PDE1C: variants seen among roughly 807,000 people sequenced by gnomAD.
The protein encoded by PDE1C is phosphodiesterase 1C, also known as dual specificity calcium/calmodulin-dependent 3',5'-cyclic nucleotide phosphodiesterase 1C.
A neutral mutation model predicts 93.1 loss-of-function variants in PDE1C; 62 were observed. The observed-to-expected ratio is 0.67, with a 90% CI of 0.54 to 0.82. The LOEUF (loss-of-function observed/expected upper bound fraction) is 0.82. Ranked by LOEUF, PDE1C falls within the 40% of genes least tolerant of loss-of-function variation. The pLI is 0.00. For missense variants in PDE1C, 742 were observed against 884.6 expected, an observed-to-expected ratio of 0.84 and a Z score of 2.04; for synonymous variants, 325 against 310.1, an observed-to-expected ratio of 1.05 and a Z score of -0.50.
chr7:32,420,026 A>G (rs1583434200), intron 1 of PDE1C, among the ~76,000 whole-genome samples: 1 of 142,412 alleles, frequency 7.0e-6, no homozygotes, highest in South Asian at 2.4e-4. Context: ...GGAGTTCAAG[A>G]CCAGCCTGGC....
At chr7:32,357,641 C>T (rs1784057529) in intron 1 of PDE1C, among the ~76,000 whole-genome samples, 1 of 152,172 alleles carries the variant, frequency 6.6e-6, no homozygotes, top group Non-Finnish European at 1.5e-5. Flanking sequence ...GCAGATCCCT[C>T]AAACTCACTG....
intron 1 of PDE1C, among the ~76,000 whole-genome samples, chr7:32,374,822 T>A (rs78319084): frequency 2.6e-5 from 4 of 152,174 alleles, no homozygotes; most frequent in Non-Finnish European, 5.9e-5. Context: ...ATGTTCTGAA[T>A]CTCTGATATT....
At chr7:32,310,637 T>C (rs1034985193) in intron 1 of PDE1C, among the ~76,000 whole-genome samples, 14 of 152,138 alleles carry the variant, frequency 9.2e-5, no homozygotes, top group Non-Finnish European at 2.1e-4. Flanking sequence ...CTGAACAACC[T>C]GCTCCTGAAT....
chr7:32,002,888 A>G (rs1785666382), intron 2 of PDE1C, among the ~76,000 whole-genome samples: 1 of 152,230 alleles, frequency 6.6e-6, no homozygotes, highest in Non-Finnish European at 1.5e-5. Context: ...CATTTGGACT[A>G]ACAGAGTGAT....
intron 2 of PDE1C, among the ~76,000 whole-genome samples, chr7:31,989,795 A>T (rs1438992017): frequency 2.0e-5 from 3 of 152,178 alleles, no homozygotes; most frequent in East Asian, 1.9e-4. Context: ...CAGGCACTTT[A>T]TCTTGCCTGT....
intron 2 of PDE1C, among the ~76,000 whole-genome samples, chr7:32,179,273 T>G (rs1194477634): frequency 3.3e-5 from 5 of 150,774 alleles, no homozygotes; most frequent in South Asian, 2.1e-4. Flanking sequence ...GTCTTTTTTT[T>G]TTTTTTTTTG....
At chr7:32,051,672 T>A in intron 1 of PDE1C, 92 bp from the exon 2 acceptor site, 1 of 984,430 alleles carries the variant, frequency 1.0e-6, no homozygotes. Context: ...GGCATGGGGG[T>A]CAACACTTCT....
chr7:32,281,446 A>G (rs1200820944), intron 1 of PDE1C, among the ~76,000 whole-genome samples: 1 of 152,206 alleles, frequency 6.6e-6, no homozygotes, highest in Non-Finnish European at 1.5e-5. Flanking sequence ...CAGGCCAGGT[A>G]TGGTGGTTCA....
At chr7:32,408,841 TAAATTAATAAAGTTTAA>T (rs1785110382) in intron 1 of PDE1C, among the ~76,000 whole-genome samples, 1 of 152,120 alleles carries the variant, frequency 6.6e-6, no homozygotes, top group Non-Finnish European at 1.5e-5. Flanking sequence ...TACTCAACTC[TAAATTAATAAAGTTTAA>T]AGTCTAGATG....
chr7:31,834,722 G>A (rs926045897), intron 11 of PDE1C, among the ~76,000 whole-genome samples: 69 of 152,170 alleles, frequency 4.5e-4, no homozygotes, highest in African/African-American at 1.6e-3. Flanking sequence ...ATAGGTGGAA[G>A]GAACTTGCCT....
intron 3 of PDE1C, among the ~76,000 whole-genome samples, chr7:32,128,636 C>T (rs947077850): frequency 4.0e-5 from 6 of 151,414 alleles, no homozygotes; most frequent in Middle Eastern, 3.2e-3. Context: ...TTAATGATCT[C>T]GGCCTAAATG....
chr7:32,226,316 T>A (rs546488132), intron 1 of PDE1C, among the ~76,000 whole-genome samples: 3 of 152,256 alleles, frequency 2.0e-5, no homozygotes, highest in Admixed American at 2.0e-4. Flanking sequence ...AGAAACTAAA[T>A]GAACTAACAT....
At chr7:32,361,139 A>G (rs1471966310) in intron 1 of PDE1C, among the ~76,000 whole-genome samples, 1 of 152,166 alleles carries the variant, frequency 6.6e-6, no homozygotes, top group East Asian at 1.9e-4. Context: ...CAGTACTCAT[A>G]GCTTTGTACA....
intron 1 of PDE1C, among the ~76,000 whole-genome samples, chr7:32,286,117 C>T (rs1811982817): frequency 6.6e-6 from 1 of 152,316 alleles, no homozygotes; most frequent in East Asian, 1.9e-4. Flanking sequence ...TTGAAACACA[C>T]TGTAAGAAAC....
intron 7 of PDE1C, among the ~76,000 whole-genome samples, chr7:31,861,374 G>A (rs1285802929): frequency 6.6e-6 from 1 of 151,994 alleles, no homozygotes; most frequent in African/African-American, 2.4e-5. Context: ...ATCTCATCTA[G>A]TTCCATGTCT....
the PDE1C span, among the ~76,000 whole-genome samples, chr7:31,666,755 CTTT>C: frequency 1.8e-4 from 27 of 152,192 alleles, no homozygotes; most frequent in African/African-American, 6.3e-4. Flanking sequence ...CCTTATGCCC[CTTT>C]TTGTTGTCAA....
At chr7:31,823,283 T>C in intron 13 of PDE1C, 35 bp from the exon 14 acceptor site, 1 of 1,570,898 alleles carries the variant, frequency 6.4e-7, no homozygotes, top group Non-Finnish European at 8.6e-7. Context: ...AAGAAGAGAG[T>C]TAGTGTTTGG....
chr7:32,029,793 T>A (rs983004454), intron 2 of PDE1C, among the ~76,000 whole-genome samples: 5 of 152,090 alleles, frequency 3.3e-5, no homozygotes, highest in Non-Finnish European at 7.4e-5. Context: ...CACCAATACA[T>A]CTGAAAGAGA....
the PDE1C span, among the ~76,000 whole-genome samples, chr7:31,630,235 T>C: frequency 2.5e-5 from 2 of 80,744 alleles, no homozygotes; most frequent in East Asian, 3.1e-4. Flanking sequence ...GAAAATAGAG[T>C]CTACTTGGCA....
Sources: allele counts gnomAD v4.1 joint callset (sites outside exome capture counted in the v4.1 genomes callset), GRCh38; gene constraint gnomAD v4.1.1; transcripts MANE v1.5; gene names NCBI Gene and HGNC (gene_info 2026-07-23, HGNC 2026-07-21).